The following RITA1 variants were observed in gnomAD, a reference collection of about 807,000 sequenced individuals.
RITA1 encodes the protein RBPJ interacting and tubulin associated 1.
In RITA1, 15 loss-of-function variants were observed where a neutral mutation model predicts 8.7. The ratio of observed to expected loss-of-function variants is 1.72; its 90% CI spans 1.15 to 2.65. RITA1 has a LOEUF of 2.65. RITA1 is among the 30% of genes most tolerant of loss of function. The probability of loss-of-function intolerance (pLI) is 0.00; values close to 1 mark genes in which losing one functional copy is unlikely to be tolerated. For synonymous variants in RITA1, 145 were observed against 156.2 expected, an observed-to-expected ratio of 0.93 and a Z score of 0.53; for missense variants, 330 against 363.8, an observed-to-expected ratio of 0.91 and a Z score of 0.76.
chr12:113,186,128 T>C, intron 1 of RITA1, 57 bp from the exon 2 acceptor site: 1 of 1,481,656 alleles, frequency 6.7e-7, no homozygotes, highest in East Asian at 2.5e-5. Context: ...GATCTCCCGA[T>C]AGCAGTGTAG....
rs756946322 is a variant in RITA1, at chr12:113,191,693, C to A, written c.686C>A (p.Ser229Tyr). 1 of 1,614,154 alleles carries A rather than the reference C, an allele frequency of 6.2e-7. No individual in the cohort carries two copies. The highest frequency in any genetic ancestry group is 1.1e-5 in the South Asian group (1 of 91,088). The change falls in exon 4 of 4, where the codon TCC (serine) becomes TAC (tyrosine). Residue 229 changes from serine (S) to tyrosine (Y), a missense_variant. Physicochemically the swap from Ser to Tyr is moderately radical, Grantham distance 144 (BLOSUM62 -2). Coordinates refer to ENST00000548278, the MANE Select transcript of RITA1 (RefSeq NM_032848.3). This position sits in a 1 kb window ranked among gnomAD's most constrained non-coding sequence, Gnocchi z 4.0. ...AATGGGCCTCAGGATCTCAGGCCTT[C>A]CACGTCAGGGGTGACCTTCCGGAGC... ...HTNGPQDLRPSTSGVTFRSPL... is the reference protein window; with the variant it reads ...HTNGPQDLRPYTSGVTFRSPL...
In RITA1 at chr12:113,191,285, A is replaced by G; in HGVS notation, c.303-25A>G. ...TGAGGGGTTGTTCATCCCCCAGCTC[A>G]TGGCGTTTATCTTCCATTTGCCAGA... is the stretch of plus-strand genomic sequence containing the variant. On this transcript the variant is annotated intron_variant, in intron 3 of 3. Coordinates refer to ENST00000548278, the MANE Select transcript of RITA1 (RefSeq NM_032848.3). This position sits in a 1 kb window ranked among gnomAD's most constrained non-coding sequence, Gnocchi z 4.0. The G allele has an allele frequency of 6.7e-7, 1 of 1,501,874 alleles. No individual in the cohort carries two copies. The allele number at this position is 1,501,874 out of a possible 1,614,324, so 93.0% of individuals were successfully genotyped here.
Position 113,185,760 on chromosome 12 carries a change from C to T in RITA1, c.-458C>T. 1 of 601,448 alleles carries T rather than the reference C, an allele frequency of 1.7e-6. No individual in the cohort carries two copies. Among genetic ancestry groups the T allele is most frequent in the Non-Finnish European group, 2.9e-6 (1 of 345,128 alleles). The allele number at this position is 601,448 out of a possible 1,614,324, so 37.3% of individuals were successfully genotyped here. ...CTCCCTGGTTGCTGGGTGCAAAGTG[C>T]TGGGTTCTGGGTTTCTGGATTCGCG... is the stretch of plus-strand genomic sequence containing the variant. On this transcript the variant is annotated 5_prime_UTR_variant, in exon 1 of 4. Transcript: ENST00000548278.
chr12:113,186,773 C>T lies in RITA1; in HGVS notation c.27C>T (p.Val9=). 1 of 1,613,422 alleles carries T rather than the reference C, an allele frequency of 6.2e-7. No homozygotes were observed. The highest frequency in any genetic ancestry group is 8.5e-7 in the Non-Finnish European group (1 of 1,179,814). The part of the protein sequence containing the change: MKTPVELA[V]SGMQTLGLQH... ...TGAAGACCCCCGTGGAGCTGGCCGT[C>T]AGTGGGATGCAGACCCTCGGCCTTC... The change falls in exon 3 of 4, where the codon GTC becomes GTT. Residue 9 remains valine, a synonymous_variant. Transcript: ENST00000548278.
intron 3 of RITA1, among the ~76,000 whole-genome samples, chr12:113,187,651 G>A (rs1045001113): frequency 6.6e-6 from 1 of 151,452 alleles, no homozygotes; most frequent in East Asian, 1.9e-4. Flanking sequence ...CCAGCTCCCG[G>A]GAGGCTGAGG....
At chr12:113,189,566 C>G (rs1952576753) in intron 3 of RITA1, among the ~76,000 whole-genome samples, 1 of 152,050 alleles carries the variant, frequency 6.6e-6, no homozygotes, top group African/African-American at 2.4e-5. Flanking sequence ...AAAACCTTGG[C>G]ACCAGACATA....
chr12:113,186,363 G>T, intron 2 of RITA1, 47 bp downstream of exon 2: 1 of 1,371,328 alleles, frequency 7.3e-7, no homozygotes. Context: ...ACCCCCATCA[G>T]TACACATAGG....
In RITA1 at chr12:113,186,976, A is replaced by C. The variant is rs780677744; in HGVS notation, c.230A>C (p.Lys77Thr). 6.8e-6 allele frequency: 11 copies of C among 1,613,240 alleles called. No homozygotes were observed. In the African/African-American group the frequency reaches 1.5e-4, roughly 22 times the overall value. Reference protein sequence around the residue: ...GKEASKALGAKGSCETTPSRG... With the variant: ...GKEASKALGATGSCETTPSRG... ...GAGGCATCGAAGGCCTTGGGGGCAA[A>C]GGGGAGCTGTGAGACCACCCCCTCA... The change falls in exon 3 of 4, where the codon AAG becomes ACG. Residue 77 changes from lysine to threonine, a missense_variant. Coordinates refer to ENST00000548278, the MANE Select transcript of RITA1 (RefSeq NM_032848.3).
chr12:113,185,987 T>C lies in RITA1; in HGVS notation c.-231T>C. The C allele has an allele frequency of 1.3e-6, 2 of 1,535,826 alleles. No individual in the cohort carries two copies. The highest frequency in any genetic ancestry group is 1.7e-6 in the Non-Finnish European group (2 of 1,146,678). On this transcript the variant is annotated 5_prime_UTR_variant, in exon 1 of 4. The change abolishes the stop of an existing upstream ORF in the 5' untranslated region. Coordinates refer to ENST00000548278, the MANE Select transcript of RITA1 (RefSeq NM_032848.3). Reference sequence around the variant, plus strand: ...GGAAGAAGGTGCGGGGACGGGTCCCTGAGGATCCCGATGCCTACGAGCCAA... The same window carrying C: ...GGAAGAAGGTGCGGGGACGGGTCCCCGAGGATCCCGATGCCTACGAGCCAA...
chr12:113,189,229 A>G (rs982822182), intron 3 of RITA1, among the ~76,000 whole-genome samples: 1 of 152,142 alleles, frequency 6.6e-6, no homozygotes, highest in African/African-American at 2.4e-5. Context: ...CTGGCCAGCT[A>G]AAGTTAGGGT....
rs36027214 is a variant in RITA1, at chr12:113,190,333, G to GA, written c.303-968dup. Among the ~76,000 whole-genome samples the GA allele has an allele frequency of 6.1e-3, 914 of 149,274 alleles. 10 individuals are homozygous for GA. Among genetic ancestry groups the GA allele is most frequent in the African/African-American group, 0.021 (842 of 40,776 alleles). On this transcript the variant is annotated intron_variant, in intron 3 of 3. Coordinates refer to ENST00000548278, the MANE Select transcript of RITA1 (RefSeq NM_032848.3). Reference sequence around the variant, plus strand: ...GGTGACAGAGCGAGACTCTGTCTCAGAAAAAAAAAGAAAAAGAAAGAAAGA... The same window carrying GA: ...GGTGACAGAGCGAGACTCTGTCTCAGAAAAAAAAAAGAAAAAGAAAGAAAGA...
intron 3 of RITA1, among the ~76,000 whole-genome samples, chr12:113,189,120 AC>A (rs765354339): frequency 1.2e-4 from 18 of 151,554 alleles, no homozygotes; most frequent in Non-Finnish European, 1.5e-5. Flanking sequence ...AGCCTTAATT[AC>A]CTTTAATTAA....
At position 113,191,512 on chromosome 12, in the gene RITA1, C is replaced by T. The variant is rs1952602668; in HGVS notation, c.505C>T (p.Pro169Ser). The stretch of plus-strand genomic sequence containing the variant: ...ACTGCGAGCCATTCACCCAGCTGGT[C>T]CCTCCAAGACAGAGCCGGGGCCAGC... ...APLRAIHPAGPSKTEPGPAAD... is the reference protein window; with the variant it reads ...APLRAIHPAGSSKTEPGPAAD... Residue 169 changes from proline (P) to serine (S), a missense_variant, in exon 4 of 4, where the codon CCC (proline) becomes TCC (serine). Pro to Ser is a moderately conservative substitution (Grantham distance 74). Transcript: ENST00000548278. The surrounding 1 kb of genome is among the most constrained non-coding windows in gnomAD (Gnocchi z 4.0). 1 of 1,606,720 alleles carries T rather than the reference C, an allele frequency of 6.2e-7. No individual in the cohort carries two copies. The highest frequency in any genetic ancestry group is 8.5e-7 in the Non-Finnish European group (1 of 1,174,234).
Position 113,187,006 on chromosome 12 carries a change from G to A in RITA1, c.260G>A (p.Gly87Asp), listed in dbSNP as rs748260754. The part of the protein sequence containing the change: ...KGSCETTPSR[G>D]STPTLTPRKK... The stretch of plus-strand genomic sequence containing the variant: ...AGCTGTGAGACCACCCCCTCAAGGG[G>A]CAGCACCCCCACCCTCACACCAAGG... The change falls in exon 3 of 4, where the codon GGC becomes GAC. Residue 87 changes from glycine (G) to aspartate (D), a missense_variant. By Grantham distance (94) the Gly-to-Asp change is moderately conservative. Coordinates refer to ENST00000548278, the MANE Select transcript of RITA1 (RefSeq NM_032848.3). 4 of 1,609,562 alleles carry A rather than the reference G, an allele frequency of 2.5e-6. No homozygotes were observed. In the South Asian group the frequency reaches 4.4e-5, roughly 18 times the overall value.
Position 113,191,420 on chromosome 12 carries a change from G to A in RITA1, c.413G>A (p.Arg138His), listed in dbSNP as rs775933685. ...GCGAAGGGGGATGCCGCAAAGCTCC[G>A]TGCTCTCTTGTGGACGCCACCACCT... ...RMAKGDAAKL[R>H]ALLWTPPPTP... Residue 138 changes from arginine to histidine, a missense_variant, in exon 4 of 4, where the codon CGT (arginine) becomes CAT (histidine). Transcript: ENST00000548278. This position sits in a 1 kb window ranked among gnomAD's most constrained non-coding sequence, Gnocchi z 4.0. 36 of 1,609,490 alleles carry A rather than the reference G, an allele frequency of 2.2e-5. No homozygotes were observed. The highest frequency in any genetic ancestry group is 1.8e-4 in the South Asian group (16 of 90,856).
At chr12:113,189,275 G>C (rs1170481039) in intron 3 of RITA1, among the ~76,000 whole-genome samples, 1 of 151,964 alleles carries the variant, frequency 6.6e-6, no homozygotes, top group Non-Finnish European at 1.5e-5. Flanking sequence ...TCAGATGAGA[G>C]AAATGAAATG....
At chr12:113,189,732 TAAAAAAAAAA>T (rs34117781) in intron 3 of RITA1, among the ~76,000 whole-genome samples, 1 of 76,924 alleles carries the variant, frequency 1.3e-5, no homozygotes, top group Non-Finnish European at 2.6e-5. Context: ...ATCTGTTGAA[TAAAAAAAAAA>T]AAAAAAAAAA....
In RITA1 at chr12:113,185,801, G is replaced by T. The variant is rs776567047; in HGVS notation, c.-417G>T. 1.3e-4 allele frequency: 83 copies of T among 638,644 alleles called. No homozygotes were observed. Among genetic ancestry groups the T allele is most frequent in the Non-Finnish European group, 2.0e-4 (76 of 373,746 alleles). The allele number at this position is 638,644 out of a possible 1,614,324, so 39.6% of individuals were successfully genotyped here. A position where few individuals can be genotyped will look rare whatever the true frequency, so the allele number is the denominator to read the frequency against. ...TGGATTCGCGGGCCGTTCACACGTA[G>T]CCTGTGCCGGCTCCTCGGGTGAGTC... On this transcript the variant is annotated 5_prime_UTR_variant, in exon 1 of 4. Coordinates refer to ENST00000548278, the MANE Select transcript of RITA1 (RefSeq NM_032848.3).
chr12:113,187,672 A>T (rs1952553106), intron 3 of RITA1, among the ~76,000 whole-genome samples: 1 of 147,434 alleles, frequency 6.8e-6, no homozygotes. Context: ...TGGGAGGATC[A>T]CTTGAGCCTA....
Sources: gnomAD v4.1 joint callset for allele counts (sites outside exome capture counted in the v4.1 genomes callset) on GRCh38, gnomAD v4.1.1 for gene constraint, Gnocchi (gnomAD v3.1) non-coding constraint, MANE v1.5 for transcripts, NCBI Gene and HGNC (gene_info 2026-07-23, HGNC 2026-07-21) for gene names.